Variants in CNTNAP2 observed in about 807,000 individuals in gnomAD.
CNTNAP2 encodes contactin associated protein 2.
Under a neutral mutation model 155.2 loss-of-function variants are expected in CNTNAP2, and 98 were observed. The ratio of observed to expected loss-of-function variants is 0.63; its 90% CI spans 0.54 to 0.75. CNTNAP2 has a LOEUF of 0.75. Ranked by LOEUF, CNTNAP2 falls within the 30% of genes least tolerant of loss-of-function variation. CNTNAP2 has a pLI of 0.00. For missense variants in CNTNAP2, 1,727 were observed against 1,688.1 expected (o/e 1.02, Z -0.40); for synonymous variants, 651 against 631.2 (o/e 1.03, Z -0.47).
chr7:146,986,122 C>T (rs1406202717), intron 3 of CNTNAP2, among the ~76,000 whole-genome samples: 1 of 152,032 alleles, frequency 6.6e-6, no homozygotes, highest in Non-Finnish European at 1.5e-5. Context: ...ATACACTGTA[C>T]TCAATATGTC....
At chr7:147,499,395 G>A (rs1798769649) in intron 11 of CNTNAP2, among the ~76,000 whole-genome samples, 1 of 151,992 alleles carries the variant, frequency 6.6e-6, no homozygotes. Context: ...TGGGCGTGGT[G>A]GCAGGCGCCT....
intron 13 of CNTNAP2, among the ~76,000 whole-genome samples, chr7:147,801,551 T>G (rs1418261147): frequency 6.6e-6 from 1 of 151,922 alleles, no homozygotes; most frequent in Non-Finnish European, 1.5e-5. Flanking sequence ...CCTTCAAGCA[T>G]CTGTTTAACA....
chr7:148,177,117 G>A (rs181080317), intron 18 of CNTNAP2, among the ~76,000 whole-genome samples: 2 of 152,300 alleles, frequency 1.3e-5, no homozygotes, highest in Non-Finnish European at 1.5e-5. Context: ...AGCAATTTCT[G>A]TGTTTACTTT....
intron 15 of CNTNAP2, among the ~76,000 whole-genome samples, chr7:148,003,417 T>A (rs1006985902): frequency 7.9e-5 from 12 of 152,052 alleles, no homozygotes; most frequent in African/African-American, 2.7e-4. Flanking sequence ...GGAAAAAAAA[T>A]TTGCTAAATA....
intron 1 of CNTNAP2, among the ~76,000 whole-genome samples, chr7:146,603,118 A>G (rs545306258): frequency 6.6e-6 from 1 of 151,556 alleles, no homozygotes; most frequent in African/African-American, 2.4e-5. Context: ...ATGTAAATTT[A>G]AAATATTGCG....
At position 147,039,243 on chromosome 7, in the gene CNTNAP2, T is replaced by C. The variant is rs141704298; in HGVS notation, c.403-4664T>C. 3.7e-3 allele frequency among the ~76,000 whole-genome samples: 569 copies of C among 152,278 alleles called. 9 individuals are homozygous for C. The highest frequency in any genetic ancestry group is 0.014 in the Middle Eastern group (4 of 294). ...ACACATATTCAGGTTCAGGAGTACA[T>C]GTGAAGGTTTGTTACACAGGTAAAC... is the stretch of plus-strand genomic sequence containing the variant. On this transcript the variant is annotated intron_variant, in intron 3 of 23. Coordinates refer to ENST00000361727, the MANE Select transcript of CNTNAP2 (RefSeq NM_014141.6).
chr7:147,932,261 C>A (rs572813667), intron 14 of CNTNAP2, among the ~76,000 whole-genome samples: 4 of 152,148 alleles, frequency 2.6e-5, no homozygotes, highest in Non-Finnish European at 5.9e-5. Context: ...ATAGCTAAAA[C>A]AATCTTGAGA....
At chr7:146,336,329 G>C (rs1309409372) in intron 1 of CNTNAP2, among the ~76,000 whole-genome samples, 2 of 152,018 alleles carry the variant, frequency 1.3e-5, no homozygotes, top group Non-Finnish European at 2.9e-5. Flanking sequence ...TACTAGAAAT[G>C]CTTCCACAGA....
At chr7:148,077,184 G>A (rs758549783) in intron 15 of CNTNAP2, among the ~76,000 whole-genome samples, 1 of 152,056 alleles carries the variant, frequency 6.6e-6, no homozygotes, top group South Asian at 2.1e-4. Flanking sequence ...GTACATGCCT[G>A]TAATCCCAGC....
chr7:146,675,475 G>A (rs1274200360), intron 1 of CNTNAP2, among the ~76,000 whole-genome samples: 3 of 152,124 alleles, frequency 2.0e-5, no homozygotes, highest in African/African-American at 7.2e-5. Flanking sequence ...AGCCTCTTAA[G>A]TCTCAGCTAT....
intron 1 of CNTNAP2, among the ~76,000 whole-genome samples, chr7:146,459,098 C>A (rs1041167068): frequency 1.3e-5 from 2 of 152,136 alleles, no homozygotes; most frequent in South Asian, 2.1e-4. Context: ...CTCACAGATT[C>A]CCCTCTTAAT....
At chr7:147,393,969 G>C (rs1281364619) in intron 9 of CNTNAP2, among the ~76,000 whole-genome samples, 1 of 151,864 alleles carries the variant, frequency 6.6e-6, no homozygotes, top group Admixed American at 6.6e-5. Flanking sequence ...TACTATCCTT[G>C]GTCAAAAAGA....
intron 8 of CNTNAP2, among the ~76,000 whole-genome samples, chr7:147,249,646 A>ATC (rs548374628): frequency 1.4e-5 from 2 of 146,504 alleles, no homozygotes; most frequent in South Asian, 2.2e-4. Context: ...CCAATCTTCA[A>ATC]TCTCTCTCTC....
At chr7:148,069,084 G>T (rs73470252) in intron 15 of CNTNAP2, among the ~76,000 whole-genome samples, 1,629 of 152,250 alleles carry the variant, frequency 0.011, 37 homozygotes, top group African/African-American at 0.037. Context: ...CATTGTTTGT[G>T]TCTGTCTCTC....
chr7:146,408,544 G>A (rs773664546), intron 1 of CNTNAP2, among the ~76,000 whole-genome samples: 2 of 146,758 alleles, frequency 1.4e-5, no homozygotes, highest in Non-Finnish European at 3.0e-5. Flanking sequence ...AACACTGCAT[G>A]TTCTCACTCA....
intron 1 of CNTNAP2, among the ~76,000 whole-genome samples, chr7:146,521,756 A>C (rs563454828): frequency 6.6e-6 from 1 of 152,090 alleles, no homozygotes; most frequent in Non-Finnish European, 1.5e-5. Context: ...ATTTAGAAAG[A>C]TAAAGCAGAC....
intron 18 of CNTNAP2, among the ~76,000 whole-genome samples, chr7:148,197,510 CG>C (rs772156589): frequency 1.3e-5 from 2 of 152,114 alleles, no homozygotes; most frequent in Non-Finnish European, 2.9e-5. Context: ...AGTGTTTACC[CG>C]TTCTTTTTAA....
chr7:147,441,854 TC>T (rs1797645560), intron 10 of CNTNAP2, among the ~76,000 whole-genome samples: 1 of 109,622 alleles, frequency 9.1e-6, no homozygotes, highest in African/African-American at 3.3e-5. Context: ...TCTCTCTCCC[TC>T]CCTCCCTCCC....
At chr7:147,157,879 G>T (rs1801956291) in intron 8 of CNTNAP2, among the ~76,000 whole-genome samples, 1 of 151,890 alleles carries the variant, frequency 6.6e-6, no homozygotes, top group South Asian at 2.1e-4. Context: ...TAATTCAAAG[G>T]TTTATATTCT....
Sources: allele counts gnomAD v4.1 joint callset (sites outside exome capture counted in the v4.1 genomes callset), GRCh38; gene constraint gnomAD v4.1.1; transcripts MANE v1.5; gene names NCBI Gene and HGNC (gene_info 2026-07-23, HGNC 2026-07-21).